CTNNA3: variants seen among roughly 807,000 people sequenced by gnomAD.
The protein encoded by CTNNA3 is catenin alpha-3.
A neutral mutation model predicts 95.7 loss-of-function variants in CTNNA3; 76 were observed. The ratio of observed to expected loss-of-function variants is 0.79; its 90% CI spans 0.66 to 0.96. CTNNA3 has a LOEUF of 0.96. Among genes scored for constraint, CTNNA3 ranks in the 40% least tolerant of loss-of-function variants. CTNNA3 has a pLI of 0.00. For missense variants in CTNNA3, 1,191 were observed against 1,089.8 expected (o/e 1.09, Z -1.31); for synonymous variants, 431 against 374.4 (o/e 1.15, Z -1.74).
chr10:66,895,837 G>T (rs1845458130), intron 7 of CTNNA3, among the ~76,000 whole-genome samples: 1 of 151,404 alleles, frequency 6.6e-6, no homozygotes, highest in African/African-American at 2.4e-5. Flanking sequence ...CAGCACTTTG[G>T]GAGGCCAAGG....
At chr10:66,618,277 A>G (rs1475441296) in intron 10 of CTNNA3, among the ~76,000 whole-genome samples, 1 of 151,920 alleles carries the variant, frequency 6.6e-6, no homozygotes, top group Non-Finnish European at 1.5e-5. Context: ...AAAAGAACAA[A>G]GCTGGAGGCA....
At chr10:67,258,203 G>A (rs1057512637) in intron 5 of CTNNA3, among the ~76,000 whole-genome samples, 3 of 152,122 alleles carry the variant, frequency 2.0e-5, no homozygotes, top group African/African-American at 7.2e-5. Context: ...GAGAGCAGTG[G>A]CTTGATTTTG....
intron 3 of CTNNA3, among the ~76,000 whole-genome samples, chr10:67,595,248 C>T (rs1842904720): frequency 6.6e-6 from 1 of 152,158 alleles, no homozygotes; most frequent in African/African-American, 2.4e-5. Context: ...TGAGAGCCTT[C>T]TGCCTTTTTG....
intron 10 of CTNNA3, among the ~76,000 whole-genome samples, chr10:66,560,867 C>T (rs2132133519): frequency 6.6e-6 from 1 of 152,060 alleles, no homozygotes; most frequent in East Asian, 1.9e-4. Context: ...CTCTCTCTGA[C>T]TCTCTTTTCT....
chr10:66,715,957 A>G (rs1396478261), intron 9 of CTNNA3, among the ~76,000 whole-genome samples: 1 of 152,112 alleles, frequency 6.6e-6, no homozygotes, highest in Non-Finnish European at 1.5e-5. Context: ...CAAATTATCT[A>G]TTAAGTCAAA....
At chr10:66,665,144 G>C (rs1002183332) in intron 9 of CTNNA3, among the ~76,000 whole-genome samples, 1 of 152,088 alleles carries the variant, frequency 6.6e-6, no homozygotes, top group African/African-American at 2.4e-5. Flanking sequence ...TCATATCATG[G>C]TGCCCTCTCC....
chr10:66,131,150 C>T (rs545692755), intron 13 of CTNNA3, among the ~76,000 whole-genome samples: 16 of 151,830 alleles, frequency 1.1e-4, no homozygotes, highest in African/African-American at 3.9e-4. Context: ...CAAAGAAGAG[C>T]TGGTGCCTTT....
chr10:66,229,572 G>T (rs2089483544), intron 13 of CTNNA3, among the ~76,000 whole-genome samples: 1 of 151,904 alleles, frequency 6.6e-6, no homozygotes, highest in Non-Finnish European at 1.5e-5. Context: ...GGCCTGTAAG[G>T]TTTCTGCTGA....
At chr10:66,537,586 T>C (rs976884031) in intron 10 of CTNNA3, among the ~76,000 whole-genome samples, 3 of 149,148 alleles carry the variant, frequency 2.0e-5, no homozygotes, top group Non-Finnish European at 4.5e-5. Flanking sequence ...TATAAATAAA[T>C]TGTTATAATT....
chr10:67,362,846 A>G (rs1342836290), intron 5 of CTNNA3, among the ~76,000 whole-genome samples: 1 of 152,118 alleles, frequency 6.6e-6, no homozygotes, highest in Non-Finnish European at 1.5e-5. Flanking sequence ...ATGATTCTAT[A>G]CTTAGAAAAC....
intron 13 of CTNNA3, among the ~76,000 whole-genome samples, chr10:66,224,562 G>A (rs139076384): frequency 1.1e-4 from 16 of 152,238 alleles, no homozygotes; most frequent in East Asian, 3.9e-4. Flanking sequence ...CAAGAAGGGC[G>A]TAGATGAGTC....
chr10:66,131,697 C>G lies in CTNNA3; in HGVS notation c.1885-28448G>C, dbSNP rs2133850426. On this transcript the variant is annotated intron_variant, in intron 13 of 17. Coordinates refer to ENST00000433211, the MANE Select transcript of CTNNA3 (RefSeq NM_013266.4). ...AAACAGCATGATACTGGTACAAAAA[C>G]AGACACACAGACCAATGGAATAGAG... 3.3e-5 allele frequency among the ~76,000 whole-genome samples: 5 copies of G among 152,208 alleles called. No individual in the cohort carries two copies. The South Asian group carries it at 1.0e-3, about 32-fold the overall frequency.
chr10:67,602,894 A>G (rs1426075842), intron 3 of CTNNA3, among the ~76,000 whole-genome samples: 2 of 152,228 alleles, frequency 1.3e-5, no homozygotes, highest in African/African-American at 4.8e-5. Context: ...AAAAGCAAAG[A>G]TAAGACTATT....
intron 13 of CTNNA3, among the ~76,000 whole-genome samples, chr10:66,162,497 C>T (rs1564716084): frequency 2.0e-5 from 3 of 152,198 alleles, no homozygotes; most frequent in East Asian, 1.9e-4. Flanking sequence ...AGCCACCCAG[C>T]GAGTCTACCC....
intron 7 of CTNNA3, among the ~76,000 whole-genome samples, chr10:67,169,120 G>T (rs1290264485): frequency 6.6e-6 from 1 of 152,084 alleles, no homozygotes; most frequent in Non-Finnish European, 1.5e-5. Flanking sequence ...ACAAAATGCT[G>T]CTCAAAGAAA....
At chr10:66,232,120 A>C (rs566293142) in intron 13 of CTNNA3, among the ~76,000 whole-genome samples, 4 of 152,292 alleles carry the variant, frequency 2.6e-5, no homozygotes, top group South Asian at 4.1e-4. Flanking sequence ...AACTTCCCCC[A>C]AAATCAGACA....
intron 11 of CTNNA3, among the ~76,000 whole-genome samples, chr10:66,449,435 A>G (rs2093447648): frequency 6.6e-6 from 1 of 152,186 alleles, no homozygotes; most frequent in South Asian, 2.1e-4. Flanking sequence ...AATGTGGTCA[A>G]AATTACATGA....
In CTNNA3 at chr10:66,456,791, A is replaced by G. The variant is rs192920281; in HGVS notation, c.1531+63826T>C. On this transcript the variant is annotated intron_variant, in intron 11 of 17. Coordinates refer to ENST00000433211, the MANE Select transcript of CTNNA3 (RefSeq NM_013266.4). ...TGATGTAAATATGAAATGAAAAGCC[A>G]TGGAACTTTTTGAAAAAATCAGCCA... Among the ~76,000 whole-genome samples, 154 of 152,310 alleles carry G rather than the reference A, an allele frequency of 1.0e-3. 1 individual carries two copies. The highest frequency in any genetic ancestry group is 3.4e-3 in the African/African-American group (140 of 41,580).
chr10:67,511,787 T>C (rs1473655025), intron 5 of CTNNA3, among the ~76,000 whole-genome samples: 1 of 152,204 alleles, frequency 6.6e-6, no homozygotes, highest in African/African-American at 2.4e-5. Context: ...CTCCTCTTTG[T>C]ACCTCTGGTA....
Sources: allele counts gnomAD v4.1 joint callset (sites outside exome capture counted in the v4.1 genomes callset), GRCh38; gene constraint gnomAD v4.1.1; transcripts MANE v1.5; gene names NCBI Gene and HGNC (gene_info 2026-07-23, HGNC 2026-07-21).